Variants in KLB observed in about 807,000 individuals in gnomAD.
KLB encodes beta-klotho.
Under a neutral mutation model 88.4 loss-of-function variants are expected in KLB, and 44 were observed. The observed-to-expected ratio is 0.50, with a 90% CI of 0.39 to 0.64. The LOEUF is 0.64. KLB is among the 30% of genes least tolerant of loss of function. The pLI is 0.00. For synonymous variants in KLB, 548 were observed against 513.4 expected (o/e 1.07, Z -0.91); for missense variants, 1,137 against 1,304.8 (o/e 0.87, Z 1.98).
chr4:39,407,441 A>C lies in KLB; in HGVS notation c.492A>C (p.Val164=). ...CAAGGCTTTTCCCCGATGGAATAGTAACAGTTGCCAACGCAAAAGGTCTGC... is the reference window on the plus strand; with the variant it reads ...CAAGGCTTTTCCCCGATGGAATAGTCACAGTTGCCAACGCAAAAGGTCTGC... The part of the protein sequence containing the change: ...SWPRLFPDGI[V]TVANAKGLQY... The change falls in exon 1 of 5, where the codon GTA becomes GTC. Residue 164 remains valine (V), a synonymous_variant. Transcript: ENST00000257408. 8 of 1,614,168 alleles carry C rather than the reference A, an allele frequency of 5.0e-6. No homozygotes were observed. Among genetic ancestry groups the C allele is most frequent in the Non-Finnish European group, 6.8e-6 (8 of 1,179,996 alleles).
chr4:39,438,998 T>C (rs1743537869), intron 3 of KLB, among the ~76,000 whole-genome samples: 1 of 151,242 alleles, frequency 6.6e-6, no homozygotes, highest in African/African-American at 2.4e-5. Context: ...TTCTCTCTAC[T>C]TCATCTTTTT....
chr4:39,409,188 C>CA (rs1310839336), intron 1 of KLB, among the ~76,000 whole-genome samples: 3 of 151,510 alleles, frequency 2.0e-5, no homozygotes, highest in African/African-American at 7.3e-5. Flanking sequence ...TGTGATTTGA[C>CA]AAAATAAGAC....
chr4:39,447,471 G>T lies in KLB; in HGVS notation c.2745G>T (p.Leu915=). The change falls in exon 4 of 5, where the codon CTG becomes CTT. Residue 915 remains leucine, a synonymous_variant. Transcript: ENST00000257408. Reference sequence around the variant, plus strand: ...TAGGGAAGTACCTTCAGGAGGTGCTGAAAGGTAAGGGCGGGGCCCCTTCAG... The same window carrying T: ...TAGGGAAGTACCTTCAGGAGGTGCTTAAAGGTAAGGGCGGGGCCCCTTCAG... ...YYLGKYLQEV[L]KAYLIDKVRI... 2 of 1,570,458 alleles carry T rather than the reference G, an allele frequency of 1.3e-6. No homozygotes were observed. The highest frequency in any genetic ancestry group is 1.7e-6 in the Non-Finnish European group (2 of 1,157,132).
intron 2 of KLB, among the ~76,000 whole-genome samples, chr4:39,436,485 C>A (rs1743475116): frequency 6.6e-6 from 1 of 152,188 alleles, no homozygotes; most frequent in Non-Finnish European, 1.5e-5. Flanking sequence ...CCTACAACAG[C>A]TATAGGCTAG....
Position 39,447,438 on chromosome 4 carries a change from G to A in KLB, c.2712G>A (p.Lys904=), listed in dbSNP as rs746771056. 4 of 1,607,638 alleles carry A rather than the reference G, an allele frequency of 2.5e-6. No homozygotes were observed. In the South Asian group the frequency reaches 4.5e-5, roughly 18 times the overall value. The change falls in exon 4 of 5, where the codon AAG becomes AAA. Residue 904 remains lysine (K), a synonymous_variant. Transcript: ENST00000257408. ...CTCTGGAGGATGACCGGCTCCGGAA[G>A]TACTACCTAGGGAAGTACCTTCAGG... is the stretch of plus-strand genomic sequence containing the variant. ...DQALEDDRLR[K]YYLGKYLQEV...
At chr4:39,422,560 T>C (rs1274669438) in intron 1 of KLB, among the ~76,000 whole-genome samples, 2 of 152,204 alleles carry the variant, frequency 1.3e-5, no homozygotes, top group Non-Finnish European at 2.9e-5. Flanking sequence ...CCTGGAACAG[T>C]GTCCGGCACA....
chr4:39,423,753 A>G (rs993211136), intron 1 of KLB, among the ~76,000 whole-genome samples: 10 of 151,930 alleles, frequency 6.6e-5, no homozygotes, highest in African/African-American at 2.2e-4. Context: ...CACAATAAAT[A>G]TAGTCAGTCT....
At chr4:39,447,773 T>G (rs1578217297) in intron 4 of KLB, among the ~76,000 whole-genome samples, 1 of 152,242 alleles carries the variant, frequency 6.6e-6, no homozygotes, top group African/African-American at 2.4e-5. Context: ...ATTTTCACCA[T>G]GCTTGCTAGG....
chr4:39,446,194 C>A lies in KLB; in HGVS notation c.1606-138C>A. On this transcript the variant is annotated intron_variant, in intron 3 of 4. Coordinates refer to ENST00000257408, the MANE Select transcript of KLB (RefSeq NM_175737.4). This position sits in a 1 kb window ranked among gnomAD's most constrained non-coding sequence, Gnocchi z 6.4. ...GGCTCCTTCTCTGTTTTCTGGTCTC[C>A]TTGGGAGATTTCAAGGGCTGGAATA... 2 of 731,656 alleles carry A rather than the reference C, an allele frequency of 2.7e-6. No individual in the cohort carries two copies. Among genetic ancestry groups the A allele is most frequent in the Non-Finnish European group, 4.4e-6 (2 of 455,320 alleles). The allele number at this position is 731,656 out of a possible 1,614,324, so 45.3% of individuals were successfully genotyped here.
In KLB at chr4:39,446,480, A is replaced by C; in HGVS notation, c.1754A>C (p.Gln585Pro). Residue 585 changes from glutamine (Q) to proline (P), a missense_variant, in exon 4 of 5, where the codon CAA becomes CCA. Gln to Pro is a moderately conservative substitution (Grantham distance 76). Coordinates refer to ENST00000257408, the MANE Select transcript of KLB (RefSeq NM_175737.4). This position sits in a 1 kb window ranked among gnomAD's most constrained non-coding sequence, Gnocchi z 6.4. ...QCTDFVNIKKQLEMLARMKVT... is the reference protein window; with the variant it reads ...QCTDFVNIKKPLEMLARMKVT... ...ACAGATTTTGTAAACATCAAAAAAC[A>C]ACTTGAGATGTTGGCAAGAATGAAA... The C allele has an allele frequency of 6.2e-7, 1 of 1,614,230 alleles. No individual in the cohort carries two copies. The highest frequency in any genetic ancestry group is 2.2e-5 in the East Asian group (1 of 44,892).
Position 39,446,304 on chromosome 4 carries a change from T to C in KLB, c.1606-28T>C. Reference sequence around the variant, plus strand: ...TGAGCCTCCATCTGCCAGCGCATGCTTGACCTAAATGAGCTTGTTTTTCAC... The same window carrying C: ...TGAGCCTCCATCTGCCAGCGCATGCCTGACCTAAATGAGCTTGTTTTTCAC... On this transcript the variant is annotated intron_variant, in intron 3 of 4. Transcript: ENST00000257408. The surrounding 1 kb of genome is among the most constrained non-coding windows in gnomAD (Gnocchi z 6.4). 3 of 1,597,134 alleles carry C rather than the reference T, an allele frequency of 1.9e-6. No individual in the cohort carries two copies. Among genetic ancestry groups the C allele is most frequent in the Non-Finnish European group, 2.6e-6 (3 of 1,171,578 alleles).
At chr4:39,421,966 G>A (rs1028367616) in intron 1 of KLB, among the ~76,000 whole-genome samples, 7 of 152,002 alleles carry the variant, frequency 4.6e-5, no homozygotes, top group Admixed American at 2.6e-4. Context: ...GGCTGATCTC[G>A]AACTCCTGAC....
chr4:39,448,166 A>C (rs2109847641), intron 4 of KLB, 135 bp from the exon 5 acceptor site: 1 of 595,866 alleles, frequency 1.7e-6, no homozygotes, highest in African/African-American at 1.9e-5. Flanking sequence ...AATAAATGTC[A>C]AAAAAAACCC....
chr4:39,445,513 T>C (rs1169267459), intron 3 of KLB, among the ~76,000 whole-genome samples: 5 of 150,658 alleles, frequency 3.3e-5, no homozygotes, highest in African/African-American at 1.2e-4. Context: ...TCTTTTTTTT[T>C]TTTTTTTGAG....
chr4:39,437,178 G>T (rs576507782), intron 2 of KLB, among the ~76,000 whole-genome samples: 7 of 152,314 alleles, frequency 4.6e-5, no homozygotes, highest in African/African-American at 1.7e-4. Flanking sequence ...GCATAGCAGG[G>T]TAAGCTCCTC....
intron 3 of KLB, among the ~76,000 whole-genome samples, chr4:39,441,447 G>A (rs1337799926): frequency 6.6e-6 from 1 of 152,144 alleles, no homozygotes. Context: ...TTGCCTGCCT[G>A]TATGGGAGAC....
chr4:39,423,394 C>T (rs1467286641), intron 1 of KLB, among the ~76,000 whole-genome samples: 1 of 151,798 alleles, frequency 6.6e-6, no homozygotes, highest in Admixed American at 6.6e-5. Context: ...GAATGTAGTA[C>T]CCTCATTCGA....
rs916216310 is a variant in KLB, at chr4:39,449,253, A to G, written c.*567A>G. On this transcript the variant is annotated 3_prime_UTR_variant, in exon 5 of 5. Transcript: ENST00000257408. ...TGAGGCAGAAGTTTGAACCCAGGAA[A>G]CAGGTTACAGTAGGCCAAAATTGCG... 1 of 151,738 alleles carries G rather than the reference A, an allele frequency of 6.6e-6. No individual in the cohort carries two copies. Among genetic ancestry groups the G allele is most frequent in the African/African-American group, 2.4e-5 (1 of 41,268 alleles). The allele number at this position is 151,738 out of a possible 1,614,324, so 9.4% of individuals were successfully genotyped here. A position where few individuals can be genotyped will look rare whatever the true frequency, so the allele number is the denominator to read the frequency against.
rs1742747492 is a variant in KLB, at chr4:39,407,172, C to G, written c.223C>G (p.Leu75Val). 1.2e-6 allele frequency: 2 copies of G among 1,613,930 alleles called. No individual in the cohort carries two copies. The highest frequency in any genetic ancestry group is 1.7e-5 in the Admixed American group (1 of 59,996). The stretch of plus-strand genomic sequence containing the variant: ...TTTTACTCCGGTAAATGAAAGTCAG[C>G]TGTTTCTCTATGACACTTTCCCTAA... Reference protein sequence around the residue: ...PNFTPVNESQLFLYDTFPKNF... With the variant: ...PNFTPVNESQVFLYDTFPKNF... The change falls in exon 1 of 5, where the codon CTG becomes GTG. Residue 75 changes from leucine (L) to valine (V), a missense_variant. This residue lies in a region of KLB where 111 missense variants were observed against 118.3 expected (regional missense o/e 0.94). Coordinates refer to ENST00000257408, the MANE Select transcript of KLB (RefSeq NM_175737.4).
Sources: gnomAD v4.1 joint callset for allele counts (sites outside exome capture counted in the v4.1 genomes callset) on GRCh38, gnomAD v4.1.1 for gene constraint, gnomAD v4.1.1 regional missense constraint, Gnocchi (gnomAD v3.1) non-coding constraint, MANE v1.5 for transcripts, NCBI Gene and HGNC (gene_info 2026-07-23, HGNC 2026-07-21) for gene names.